The following SLC8A1 variants were observed in gnomAD, a reference collection of about 807,000 sequenced individuals.
SLC8A1 encodes sodium/calcium exchanger 1.
SLC8A1 carries 18 observed loss-of-function variants against 68.3 expected under a neutral mutation model. The ratio of observed to expected loss-of-function variants is 0.26; its 90% CI spans 0.18 to 0.39. The LOEUF is 0.39. SLC8A1 is among the 10% of genes least tolerant of loss of function. The pLI is 1.00. For synonymous variants in SLC8A1, 475 were observed against 415.5 expected, an observed-to-expected ratio of 1.14 and a Z score of -1.74; for missense variants, 985 against 1,156.7, an observed-to-expected ratio of 0.85 and a Z score of 2.15.
intron 2 of SLC8A1, 145 bp downstream of exon 2, chr2:40,428,328 T>C (rs991801164): frequency 7.4e-7 from 1 of 1,353,634 alleles, no homozygotes; most frequent in Non-Finnish European, 9.5e-7. Flanking sequence ...AAGACTGATA[T>C]CTTGAAAGGG....
intron 2 of SLC8A1, among the ~76,000 whole-genome samples, chr2:40,263,325 T>C (rs1447068672): frequency 1.3e-5 from 2 of 152,228 alleles, no homozygotes; most frequent in African/African-American, 4.8e-5. Flanking sequence ...AACACAGTGC[T>C]AGCTGTAATT....
At chr2:40,468,251 A>G (rs1703808304) in intron 1 of SLC8A1, among the ~76,000 whole-genome samples, 1 of 152,148 alleles carries the variant, frequency 6.6e-6, no homozygotes. Context: ...TAATTTTGAG[A>G]TATTACTAAC....
At chr2:40,269,782 G>A in intron 2 of SLC8A1, among the ~76,000 whole-genome samples, 1 of 143,502 alleles carries the variant, frequency 7.0e-6, no homozygotes. Flanking sequence ...TGTGACTGTT[G>A]CTGTTTTTTT....
At chr2:40,450,296 T>C (rs1702194945) in intron 1 of SLC8A1, among the ~76,000 whole-genome samples, 1 of 152,046 alleles carries the variant, frequency 6.6e-6, no homozygotes, top group South Asian at 2.1e-4. Context: ...TCATTTTCCT[T>C]TTTTTTTCTG....
chr2:40,233,764 G>GA (rs1325021891), intron 2 of SLC8A1, among the ~76,000 whole-genome samples: 1 of 151,626 alleles, frequency 6.6e-6, no homozygotes, highest in Non-Finnish European at 1.5e-5. Context: ...ATCTTGAACT[G>GA]ATTTTTGTAT....
chr2:40,493,259 A>G (rs1282205135), intron 1 of SLC8A1, among the ~76,000 whole-genome samples: 1 of 149,164 alleles, frequency 6.7e-6, no homozygotes, highest in Non-Finnish European at 1.5e-5. Flanking sequence ...AAAACCAAAC[A>G]CCGCATATTC....
intron 2 of SLC8A1, among the ~76,000 whole-genome samples, chr2:40,349,175 C>T (rs1023646509): frequency 6.6e-5 from 10 of 152,114 alleles, no homozygotes; most frequent in Non-Finnish European, 1.5e-4. Context: ...ACAATTTGAG[C>T]ACATCACAAA....
intron 2 of SLC8A1, among the ~76,000 whole-genome samples, chr2:40,394,041 G>T (rs1034934093): frequency 1.3e-5 from 2 of 152,064 alleles, no homozygotes; most frequent in Non-Finnish European, 2.9e-5. Flanking sequence ...GGCAGTCTGG[G>T]GGATGCTACT....
At chr2:40,256,119 G>A (rs571310692) in intron 2 of SLC8A1, among the ~76,000 whole-genome samples, 1 of 152,242 alleles carries the variant, frequency 6.6e-6, no homozygotes, top group East Asian at 1.9e-4. Flanking sequence ...GCATAATCTT[G>A]CAAGAAATTT....
intron 2 of SLC8A1, among the ~76,000 whole-genome samples, chr2:40,426,119 G>C (rs1423457527): frequency 2.6e-5 from 4 of 151,916 alleles, no homozygotes; most frequent in Admixed American, 2.6e-4. Flanking sequence ...ACTCTACGAA[G>C]TCAAGATGAA....
At chr2:40,355,088 T>C (rs962784590) in intron 2 of SLC8A1, among the ~76,000 whole-genome samples, 2 of 152,186 alleles carry the variant, frequency 1.3e-5, no homozygotes, top group African/African-American at 4.8e-5. Context: ...GCTCTTGTAT[T>C]GCAAGAACTG....
intron 2 of SLC8A1, among the ~76,000 whole-genome samples, chr2:40,348,790 CAGTCTGG>C (rs1157589301): frequency 6.6e-6 from 1 of 152,142 alleles, no homozygotes; most frequent in Non-Finnish European, 1.5e-5. Flanking sequence ...AAGCGGTATT[CAGTCTGG>C]AGGAAAGAAG....
At chr2:40,463,873 CACACACACACACACAT>C (rs1312646983) in intron 1 of SLC8A1, among the ~76,000 whole-genome samples, 1 of 140,792 alleles carries the variant, frequency 7.1e-6, no homozygotes, top group African/African-American at 2.8e-5. Context: ...CACACACACA[CACACACACACACACAT>C]ATATATATAG....
At chr2:40,115,547 C>A in exon 8 of SLC8A1, 1 of 1,614,112 alleles carries the variant, frequency 6.2e-7, no homozygotes, top group Non-Finnish European at 8.5e-7. Context: ...GGAAGACATT[C>A]ACCGCGTTGC....
chr2:40,406,852 C>T lies in SLC8A1; in HGVS notation c.1808+21621G>A, dbSNP rs1003480008. ...CAAACTTGCCACTTTGGATTGAAAC[C>T]GTATATGATATGCATTCCCCCTATC... On this transcript the variant is annotated intron_variant, in intron 2 of 7. Transcript: ENST00000406785. 2.0e-5 allele frequency among the ~76,000 whole-genome samples: 3 copies of T among 152,180 alleles called. No homozygotes were observed. The East Asian group carries it at 5.8e-4, about 29-fold the overall frequency.
intron 2 of SLC8A1, among the ~76,000 whole-genome samples, chr2:40,334,490 G>A (rs1400406169): frequency 2.0e-5 from 3 of 152,026 alleles, no homozygotes; most frequent in African/African-American, 4.8e-5. Context: ...AATACAATTT[G>A]GATAATATAT....
At chr2:40,333,437 C>CAA (rs11392390) in intron 2 of SLC8A1, among the ~76,000 whole-genome samples, 935 of 73,448 alleles carry the variant, frequency 0.013, 15 homozygotes, top group East Asian at 0.039. Flanking sequence ...GACTCCGTCT[C>CAA]AAAAAAAAAA....
chr2:40,421,068 TCAC>T (rs551749143), intron 2 of SLC8A1, among the ~76,000 whole-genome samples: 7 of 152,078 alleles, frequency 4.6e-5, no homozygotes, highest in Admixed American at 2.6e-4. Flanking sequence ...ATCACCATCA[TCAC>T]CACCACCACC....
chr2:40,369,989 C>G (rs189972674), intron 2 of SLC8A1, among the ~76,000 whole-genome samples: 2 of 152,170 alleles, frequency 1.3e-5, no homozygotes. Context: ...AAAATAAAGA[C>G]CACAGAAGAT....
Sources: gnomAD v4.1 joint callset for allele counts (sites outside exome capture counted in the v4.1 genomes callset) on GRCh38, gnomAD v4.1.1 for gene constraint, MANE v1.5 for transcripts, NCBI Gene and HGNC (gene_info 2026-07-23, HGNC 2026-07-21) for gene names.